PER3: variants seen among roughly 807,000 people sequenced by gnomAD.
The protein encoded by PER3 is period circadian regulator 3, also known as period circadian protein homolog 3.
PER3 carries 107 observed loss-of-function variants against 127.2 expected under a neutral mutation model. The observed-to-expected ratio is 0.84, with a 90% CI of 0.72 to 0.99. The LOEUF is 0.99. Ranked by LOEUF, PER3 falls within the 50% of genes least tolerant of loss-of-function variation. The pLI is 0.00. For missense variants in PER3, 1,560 were observed against 1,525.8 expected, an observed-to-expected ratio of 1.02 and a Z score of -0.37; for synonymous variants, 618 against 585.8, an observed-to-expected ratio of 1.05 and a Z score of -0.79.
chr1:7,827,467 T>G lies in PER3; in HGVS notation c.2538T>G (p.Ala846=). The G allele has an allele frequency of 6.2e-7, 1 of 1,614,234 alleles. No homozygotes were observed. Among genetic ancestry groups the G allele is most frequent in the Non-Finnish European group, 8.5e-7 (1 of 1,180,034 alleles). The change falls in exon 18 of 22, where the codon GCT becomes GCG. Residue 846 remains alanine, a synonymous_variant. Coordinates refer to ENST00000377532, the MANE Select transcript of PER3 (RefSeq NM_001377275.1). ...CCGAGGGCTTGCAGCCTTACCCAGC[T>G]TTCCCTTTTCCTTACTTGGATACTT... ...PLSEGLQPYP[A]FPFPYLDTFM...
In PER3 at chr1:7,824,964, G is replaced by A. The variant is rs561424806; in HGVS notation, c.1958-1516G>A. On this transcript the variant is annotated intron_variant, in intron 16 of 21. Coordinates refer to ENST00000377532, the MANE Select transcript of PER3 (RefSeq NM_001377275.1). ...CAGGCTGCACGCTGGGGCAGTCCTC[G>A]GGCTCACCTCCCTTGTTTCTTATCC... Among the ~76,000 whole-genome samples, 43 of 152,142 alleles carry A rather than the reference G, an allele frequency of 2.8e-4. No individual in the cohort carries two copies. The South Asian group carries it at 7.7e-3, about 27-fold the overall frequency.
chr1:7,836,936 A>G, intron 20 of PER3, 63 bp from the exon 21 acceptor site: 1 of 1,329,904 alleles, frequency 7.5e-7, no homozygotes, highest in Non-Finnish European at 1.1e-6. Context: ...CTATTCCTAG[A>G]TGACGGGAAA....
chr1:7,821,615 A>G (rs1268951141), intron 16 of PER3, among the ~76,000 whole-genome samples: 1 of 152,146 alleles, frequency 6.6e-6, no homozygotes, highest in East Asian at 1.9e-4. Context: ...CCAATATGAA[A>G]AGCTCTTTTT....
chr1:7,836,674 C>T (rs2097360053), intron 20 of PER3: 2 of 199,120 alleles, frequency 1.0e-5, no homozygotes, highest in Non-Finnish European at 2.1e-5. Context: ...GACAAAGAAA[C>T]AAAGTCTGTG....
At position 7,827,796 on chromosome 1, in the gene PER3, C is replaced by T. The variant is rs755180304; in HGVS notation, c.2867C>T (p.Thr956Met). The T allele has an allele frequency of 1.9e-6, 3 of 1,611,948 alleles. No individual in the cohort carries two copies. The highest frequency in any genetic ancestry group is 4.5e-5 in the East Asian group (2 of 44,872). Residue 956 changes from threonine to methionine, a missense_variant, in exon 18 of 22, where the codon ACG (threonine) becomes ATG (methionine). Physicochemically the swap from Thr to Met is moderately conservative, Grantham distance 81. Transcript: ENST00000377532. ...TCTCCAGATCAGATGAGAAGGAACA[C>T]GTGCCCACAAACTGAGTATGTAAGT... ...SESPDQMRRNTCPQTEYQCVT... is the reference protein window; with the variant it reads ...SESPDQMRRNMCPQTEYQCVT...
intron 21 of PER3, among the ~76,000 whole-genome samples, chr1:7,842,415 G>T (rs1019124319): frequency 6.6e-6 from 1 of 151,832 alleles, no homozygotes. Flanking sequence ...CAAGAGAATC[G>T]CTTGAACCTG....
intron 6 of PER3, among the ~76,000 whole-genome samples, chr1:7,795,206 A>C (rs2097140043): frequency 6.6e-6 from 1 of 152,100 alleles, no homozygotes; most frequent in African/African-American, 2.4e-5. Context: ...CCTGCCTCCT[A>C]ATAAGTGCTG....
intron 21 of PER3, among the ~76,000 whole-genome samples, chr1:7,837,928 G>A (rs72632093): frequency 0.12 from 17,805 of 152,126 alleles, 1,307 homozygotes; most frequent in South Asian, 0.23. Flanking sequence ...AGCCAGGTGT[G>A]GTGGCGTGCA....
intron 10 of PER3, among the ~76,000 whole-genome samples, chr1:7,806,366 T>C (rs2097192617): frequency 6.6e-6 from 1 of 152,142 alleles, no homozygotes; most frequent in South Asian, 2.1e-4. Flanking sequence ...GCAGCCAAGT[T>C]TTCTCTCTTA....
intron 16 of PER3, among the ~76,000 whole-genome samples, chr1:7,824,605 C>A (rs2097292830): frequency 6.6e-6 from 1 of 151,910 alleles, no homozygotes; most frequent in Non-Finnish European, 1.5e-5. Flanking sequence ...TGAATGGGTA[C>A]CAAATATATT....
rs1424160764 is a variant in PER3, at chr1:7,788,201, A to C, written c.547A>C (p.Thr183Pro). ...AGACATGAGGGTATTCTACGCGCAC[A>C]CTGCCAGAGCTCAGCTTCCTTTCTG... ...PQDMRVFYAH[T>P]ARAQLPFWNN... Residue 183 changes from threonine (T) to proline (P), a missense_variant, in exon 5 of 22, where the codon ACT (threonine) becomes CCT (proline). Coordinates refer to ENST00000377532, the MANE Select transcript of PER3 (RefSeq NM_001377275.1). 3 of 1,614,140 alleles carry C rather than the reference A, an allele frequency of 1.9e-6. No homozygotes were observed. Among genetic ancestry groups the C allele is most frequent in the Non-Finnish European group, 2.5e-6 (3 of 1,180,006 alleles).
chr1:7,838,606 G>C (rs1172723721), intron 21 of PER3, among the ~76,000 whole-genome samples: 1 of 152,014 alleles, frequency 6.6e-6, no homozygotes, highest in Non-Finnish European at 1.5e-5. Context: ...CCCCATGTTG[G>C]CCAGGCTGGT....
At chr1:7,829,465 G>C (rs2097318776) in intron 18 of PER3, among the ~76,000 whole-genome samples, 1 of 152,072 alleles carries the variant, frequency 6.6e-6, no homozygotes, top group Non-Finnish European at 1.5e-5. Context: ...CCAATTGCTG[G>C]CATCACTCCT....
chr1:7,785,139 T>C, intron 2 of PER3, 134 bp downstream of exon 2: 2 of 970,016 alleles, frequency 2.1e-6, no homozygotes, highest in Non-Finnish European at 3.0e-6. Flanking sequence ...ACTCGGGCAA[T>C]GTAGGATGAA....
rs1276181170 is a variant in PER3 at position 7,831,882 on chromosome 1, G to A, written c.3214+1721G>A. Among the ~76,000 whole-genome samples, 5 of 152,134 alleles carry A rather than the reference G, an allele frequency of 3.3e-5. No individual in the cohort carries two copies. The East Asian group carries it at 9.6e-4, about 29-fold the overall frequency. ...GTCTTTGTCTGGTTTTGGTATCAGA[G>A]TAATTCTGGCCTCAAAAAATGAGCT... is the stretch of plus-strand genomic sequence containing the variant. On this transcript the variant is annotated intron_variant, in intron 19 of 21. Transcript: ENST00000377532.
intron 19 of PER3, among the ~76,000 whole-genome samples, chr1:7,835,208 G>T (rs905380559): frequency 6.6e-6 from 1 of 152,154 alleles, no homozygotes; most frequent in African/African-American, 2.4e-5. Context: ...TTTGAGGTTG[G>T]TGATGATGCG....
Position 7,788,194 on chromosome 1 carries a change from C to T in PER3, c.540C>T (p.Tyr180=), listed in dbSNP as rs535936436. 214 of 1,614,048 alleles carry T rather than the reference C, an allele frequency of 1.3e-4. 2 individuals are homozygous for T. Among genetic ancestry groups the T allele is most frequent in the South Asian group, 1.8e-4 (16 of 91,082 alleles). The change falls in exon 5 of 22, where the codon TAC becomes TAT. Residue 180 remains tyrosine, a synonymous_variant. Coordinates refer to ENST00000377532, the MANE Select transcript of PER3 (RefSeq NM_001377275.1). The part of the protein sequence containing the change: ...LLAPQDMRVF[Y]AHTARAQLPF... ...CACCTCAAGACATGAGGGTATTCTACGCGCACACTGCCAGAGCTCAGCTTC... is the reference window on the plus strand; with the variant it reads ...CACCTCAAGACATGAGGGTATTCTATGCGCACACTGCCAGAGCTCAGCTTC...
intron 5 of PER3, among the ~76,000 whole-genome samples, 196 bp from the exon 6 acceptor site, chr1:7,793,761 A>G (rs1206163159): frequency 6.6e-6 from 1 of 152,102 alleles, no homozygotes; most frequent in East Asian, 1.9e-4. Context: ...CGGTTCCAGT[A>G]CCAAAACCAA....
chr1:7,839,216 G>A (rs1254525857), intron 21 of PER3, among the ~76,000 whole-genome samples: 1 of 152,132 alleles, frequency 6.6e-6, no homozygotes, highest in Non-Finnish European at 1.5e-5. Context: ...ACAAAAACTC[G>A]CTTCTGTAGA....
Sources: allele counts gnomAD v4.1 joint callset (sites outside exome capture counted in the v4.1 genomes callset), GRCh38; gene constraint gnomAD v4.1.1; transcripts MANE v1.5; gene names NCBI Gene and HGNC (gene_info 2026-07-23, HGNC 2026-07-21).